Variants in MAP3K5 observed in about 807,000 individuals in gnomAD.
MAP3K5 encodes ASK-1.
A neutral mutation model predicts 158.7 loss-of-function variants in MAP3K5; 56 were observed. That is an observed-to-expected ratio of 0.35 (90% CI 0.28 to 0.44). The LOEUF is 0.44. Among genes scored for constraint, MAP3K5 ranks in the 20% least tolerant of loss-of-function variants. The pLI, the probability that MAP3K5 is intolerant of heterozygous loss-of-function variation, is 1.00. For synonymous variants in MAP3K5, 579 were observed against 601.7 expected (o/e 0.96, Z 0.55); for missense variants, 1,294 against 1,674.8 (o/e 0.77, Z 3.97).
At chr6:136,577,472 A>C (rs1774670113) in intron 25 of MAP3K5, among the ~76,000 whole-genome samples, 1 of 152,246 alleles carries the variant, frequency 6.6e-6, no homozygotes, top group Non-Finnish European at 1.5e-5. Context: ...AGAAACTCCT[A>C]GTGGCCTCAA....
intron 1 of MAP3K5, among the ~76,000 whole-genome samples, chr6:136,784,730 T>A (rs1271678143): frequency 1.3e-5 from 2 of 152,178 alleles, no homozygotes; most frequent in Admixed American, 1.3e-4. Context: ...CTTGGAGAAA[T>A]GGGAAAAATA....
intron 26 of MAP3K5, among the ~76,000 whole-genome samples, chr6:136,565,135 C>A (rs1774041669): frequency 6.6e-6 from 1 of 152,218 alleles, no homozygotes; most frequent in Admixed American, 6.5e-5. Flanking sequence ...AGAACTTCAA[C>A]ACTGGAAGCA....
chr6:136,764,404 C>T (rs1230226809), intron 1 of MAP3K5, among the ~76,000 whole-genome samples: 2 of 152,168 alleles, frequency 1.3e-5, no homozygotes, highest in African/African-American at 4.8e-5. Context: ...AACACAGATA[C>T]CATGAGAGAA....
intron 11 of MAP3K5, among the ~76,000 whole-genome samples, chr6:136,649,076 T>G (rs569991328): frequency 1.8e-4 from 28 of 152,292 alleles, no homozygotes; most frequent in Non-Finnish European, 5.9e-5. Context: ...TTCCAGCAAT[T>G]CTCCTGCCTC....
At chr6:136,585,728 C>G (rs898667067) in intron 23 of MAP3K5, among the ~76,000 whole-genome samples, 4 of 151,916 alleles carry the variant, frequency 2.6e-5, no homozygotes, top group African/African-American at 9.7e-5. Context: ...AACTCGTGAC[C>G]TCAAGTGATC....
In MAP3K5 at chr6:136,771,346, A is replaced by C. The variant is rs1397961669; in HGVS notation, c.448+20364T>G. The stretch of plus-strand genomic sequence containing the variant: ...GGTAGAAGTCAGGACTTGACTCCAG[A>C]GGTGGGGCTTGGACACCGGACCAGA... On this transcript the variant is annotated intron_variant, in intron 1 of 29. Transcript: ENST00000359015. 7.8e-4 allele frequency among the ~76,000 whole-genome samples: 119 copies of C among 152,130 alleles called. 1 individual carries two copies. Among genetic ancestry groups the C allele is most frequent in the Non-Finnish European group, 7.3e-5 (5 of 68,034 alleles).
rs1479158632 is a variant in MAP3K5, at chr6:136,659,397, G to A, written c.1367-19C>T. 1 of 1,612,096 alleles carries A rather than the reference G, an allele frequency of 6.2e-7. No individual in the cohort carries two copies. On this transcript the variant is annotated intron_variant, in intron 8 of 29. Transcript: ENST00000359015. ...TTCACCCCTAGAATACAAACAGGAA[G>A]TAGAATGTTACAAATGCACCCCACA...
Position 136,580,382 on chromosome 6 carries a change from T to C in MAP3K5, c.3436A>G (p.Asn1146Asp). ...GCAAACATCCAGTGCGGCTTGATGTTATGATTCCGAAGAACTTTATTGACC... is the reference window on the plus strand; with the variant it reads ...GCAAACATCCAGTGCGGCTTGATGTCATGATTCCGAAGAACTTTATTGACC... ...DAVNKVLRNH[N>D]IKPHWMFALD... is the part of the protein sequence containing the mutation. Residue 1146 changes from asparagine (N) to aspartate (D), a missense_variant, in exon 25 of 30, where the codon AAC (asparagine) becomes GAC (aspartate). By Grantham distance (23) the Asn-to-Asp change is conservative (BLOSUM62 1). Around this residue, in one of 5 missense-constraint regions of MAP3K5, gnomAD observed 362 missense variants for 463.2 expected, o/e 0.78. Transcript: ENST00000359015. 6.2e-7 allele frequency: 1 copy of C among 1,612,838 alleles called. No individual in the cohort carries two copies. Among genetic ancestry groups the C allele is most frequent in the Non-Finnish European group, 8.5e-7 (1 of 1,178,906 alleles).
At chr6:136,706,411 T>C (rs1781080028) in intron 2 of MAP3K5, among the ~76,000 whole-genome samples, 2 of 152,198 alleles carry the variant, frequency 1.3e-5, no homozygotes, top group Non-Finnish European at 2.9e-5. Context: ...AGTATTGTTA[T>C]TCCTATACCT....
intron 2 of MAP3K5, among the ~76,000 whole-genome samples, chr6:136,716,243 A>AT (rs540932012): frequency 1.6e-4 from 24 of 152,016 alleles, no homozygotes; most frequent in Admixed American, 7.2e-4. Flanking sequence ...GATATTATTA[A>AT]ATATTCCCAA....
At chr6:136,658,649 T>C (rs1778872732) in intron 9 of MAP3K5, among the ~76,000 whole-genome samples, 1 of 152,200 alleles carries the variant, frequency 6.6e-6, no homozygotes, top group African/African-American at 2.4e-5. Context: ...TGAATGCAGA[T>C]GGAATTTTGT....
At chr6:136,644,044 A>T (rs959861861) in intron 11 of MAP3K5, among the ~76,000 whole-genome samples, 6 of 152,200 alleles carry the variant, frequency 3.9e-5, no homozygotes, top group African/African-American at 1.4e-4. Flanking sequence ...GCAAGTGCAG[A>T]GCTGAGGCAG....
intron 7 of MAP3K5, among the ~76,000 whole-genome samples, chr6:136,680,225 C>T (rs1428143078): frequency 6.6e-6 from 1 of 152,072 alleles, no homozygotes; most frequent in Admixed American, 6.5e-5. Context: ...GACTTTTAGT[C>T]ATGCAAGATG....
At chr6:136,597,549 T>C (rs1391134211) in intron 21 of MAP3K5, among the ~76,000 whole-genome samples, 1 of 152,230 alleles carries the variant, frequency 6.6e-6, no homozygotes, top group Non-Finnish European at 1.5e-5. Flanking sequence ...GTTCTCACAC[T>C]GCAGTGATGA....
Position 136,600,511 on chromosome 6 carries a change from T to A in MAP3K5, c.2878+511A>T, listed in dbSNP as rs574250877. 1.1e-4 allele frequency among the ~76,000 whole-genome samples: 16 copies of A among 152,200 alleles called. 1 individual carries two copies. The East Asian group carries it at 3.1e-3, about 29-fold the overall frequency. The stretch of plus-strand genomic sequence containing the variant: ...GCCCAGCCTCATGTTCATTTCTTTA[T>A]TATTCTTCTAAATGCTTTAATGGAT... On this transcript the variant is annotated intron_variant, in intron 21 of 29. Coordinates refer to ENST00000359015, the MANE Select transcript of MAP3K5 (RefSeq NM_005923.4).
chr6:136,677,788 A>G (rs1172298704), intron 7 of MAP3K5, among the ~76,000 whole-genome samples: 2 of 152,230 alleles, frequency 1.3e-5, no homozygotes, highest in African/African-American at 2.4e-5. Context: ...TAGTTCTAAC[A>G]ATAATACAAC....
chr6:136,707,561 G>T (rs117746059), intron 2 of MAP3K5, among the ~76,000 whole-genome samples: 263 of 151,972 alleles, frequency 1.7e-3, no homozygotes, highest in Non-Finnish European at 2.7e-3. Flanking sequence ...GGTACTTGGG[G>T]GGGGGGGGAA....
intron 28 of MAP3K5, among the ~76,000 whole-genome samples, chr6:136,560,176 C>T (rs1477033913): frequency 3.9e-5 from 6 of 152,024 alleles, no homozygotes; most frequent in Admixed American, 1.3e-4. Flanking sequence ...ATGCTATTCA[C>T]GCTCATTACA....
At chr6:136,700,068 T>C (rs1318886269) in intron 3 of MAP3K5, among the ~76,000 whole-genome samples, 1 of 151,726 alleles carries the variant, frequency 6.6e-6, no homozygotes, top group Non-Finnish European at 1.5e-5. Context: ...AGCGAGACTC[T>C]GTCAGGAGAA....
Sources: gnomAD v4.1 joint callset for allele counts (sites outside exome capture counted in the v4.1 genomes callset) on GRCh38, gnomAD v4.1.1 for gene constraint, gnomAD v4.1.1 regional missense constraint, MANE v1.5 for transcripts, NCBI Gene and HGNC (gene_info 2026-07-23, HGNC 2026-07-21) for gene names.